EPB41L1: variants seen among roughly 807,000 people sequenced by gnomAD.
The protein encoded by EPB41L1 is erythrocyte membrane protein band 4.1 like 1, also known as band 4.1-like protein 1.
EPB41L1 carries 29 observed loss-of-function variants against 97.8 expected under a neutral mutation model. That is an observed-to-expected ratio of 0.30 (90% CI 0.22 to 0.40). The LOEUF (loss-of-function observed/expected upper bound fraction) is 0.40, where lower values mean the gene tolerates loss of function less well. EPB41L1 is among the 10% of genes least tolerant of loss of function. The probability of loss-of-function intolerance (pLI) is 1.00; values close to 1 mark genes in which losing one functional copy is unlikely to be tolerated. For synonymous variants in EPB41L1, 383 were observed against 459.2 expected (o/e 0.83, Z 2.12); for missense variants, 812 against 1,162.3 (o/e 0.70, Z 4.38).
chr20:36,128,679 G>A (rs921214211), intron 2 of EPB41L1, among the ~76,000 whole-genome samples: 2 of 152,230 alleles, frequency 1.3e-5, no homozygotes, highest in Non-Finnish European at 2.9e-5. Flanking sequence ...TTAGCATGGG[G>A]TGATGGGGTT....
intron 1 of EPB41L1, among the ~76,000 whole-genome samples, chr20:36,103,704 CTTTT>C (rs398038437): frequency 7.4e-6 from 1 of 135,742 alleles, no homozygotes. Flanking sequence ...CTTTTTCTTT[CTTTT>C]TTTTTTTTTT....
At chr20:36,194,459 C>A in intron 12 of EPB41L1, 99 bp downstream of exon 12, 1 of 1,448,760 alleles carries the variant, frequency 6.9e-7, no homozygotes, top group Non-Finnish European at 9.4e-7. Flanking sequence ...CAGCTGTGGC[C>A]AAGCACCCTT....
intron 2 of EPB41L1, among the ~76,000 whole-genome samples, chr20:36,124,092 C>CA (rs879331885): frequency 2.3e-4 from 34 of 150,392 alleles, no homozygotes; most frequent in Admixed American, 4.0e-4. Context: ...ACTAAAAATA[C>CA]AAAAAAAAAG....
At position 36,197,052 on chromosome 20, in the gene EPB41L1, C is replaced by T. The variant is rs558408483; in HGVS notation, c.1486-807C>T. 2.4e-4 allele frequency among the ~76,000 whole-genome samples: 36 copies of T among 152,210 alleles called. No individual in the cohort carries two copies. The Middle Eastern group carries it at 0.014, about 58-fold the overall frequency. ...AATTCTCCTAATCTTCCTGAACACTCCACAGCATTCTAGTTTCTCTATCTG... is the reference window on the plus strand; with the variant it reads ...AATTCTCCTAATCTTCCTGAACACTTCACAGCATTCTAGTTTCTCTATCTG... On this transcript the variant is annotated intron_variant, in intron 13 of 21. Coordinates refer to ENST00000338074, the MANE Select transcript of EPB41L1 (RefSeq NM_012156.2).
chr20:36,196,602 A>G (rs1012986326), intron 13 of EPB41L1, among the ~76,000 whole-genome samples: 13 of 152,234 alleles, frequency 8.5e-5, no homozygotes, highest in African/African-American at 3.1e-4. Context: ...GAGGTAGCTT[A>G]GGAGTCAGCC....
chr20:36,154,465 C>T, upstream of EPB41L1, among the ~76,000 whole-genome samples: 1 of 151,746 alleles, frequency 6.6e-6, no homozygotes, highest in African/African-American at 2.4e-5. The surrounding 1 kb of genome is among the most constrained non-coding windows in gnomAD (Gnocchi z 5.5). Flanking sequence ...GCCCGTGTGG[C>T]ACGGACCGGG....
At chr20:36,109,741 G>C (rs561698574) in intron 1 of EPB41L1, 1 of 152,256 alleles carries the variant, frequency 6.6e-6, no homozygotes, top group South Asian at 2.1e-4. Flanking sequence ...AGATGAGGAA[G>C]CTGAGGCCTG....
At position 36,093,939 on chromosome 20, in the gene EPB41L1, C is replaced by T. The variant is rs371994596; in HGVS notation, c.-65+2327C>T. Reference sequence around the variant, plus strand: ...AGGTAGGTGGGTAGAAGCTCAGGTGCCCTGAAAAGGACTAGGAGGGAGAAC... The same window carrying T: ...AGGTAGGTGGGTAGAAGCTCAGGTGTCCTGAAAAGGACTAGGAGGGAGAAC... On this transcript the variant is annotated intron_variant, in intron 1 of 19. Coordinates refer to the EPB41L1 transcript ENST00000202028. This position sits in a 1 kb window ranked among gnomAD's most constrained non-coding sequence, Gnocchi z 5.4. 6.6e-6 allele frequency among the ~76,000 whole-genome samples: 1 copy of T among 152,210 alleles called. No homozygotes were observed. Among genetic ancestry groups the T allele is most frequent in the East Asian group, 1.9e-4 (1 of 5,158 alleles).
chr20:36,190,298 A>G lies in EPB41L1; in HGVS notation c.1048A>G (p.Ile350Val), dbSNP rs1331082339. The G allele has an allele frequency of 1.9e-6, 3 of 1,614,214 alleles. No homozygotes were observed. Among genetic ancestry groups the G allele is most frequent in the Non-Finnish European group, 2.5e-6 (3 of 1,180,034 alleles). ...CCAGTATGAGCAATTTGAGAGCACA[A>G]TTGGCTTTAAGCTCCCAAACCACCG... ...PGEYEQFESTIGFKLPNHRSA... is the reference protein window; with the variant it reads ...PGEYEQFESTVGFKLPNHRSA... Residue 350 changes from isoleucine to valine, a missense_variant, in exon 10 of 22, where the codon ATT becomes GTT. Ile to Val is a conservative substitution (Grantham distance 29, BLOSUM62 3). This residue lies in a region of EPB41L1 where 230 missense variants were observed against 445.2 expected (regional missense o/e 0.52). Transcript: ENST00000338074. The surrounding 1 kb of genome is among the most constrained non-coding windows in gnomAD (Gnocchi z 5.8).
intron 2 of EPB41L1, among the ~76,000 whole-genome samples, chr20:36,130,264 T>TTTTTTA (rs2059147290): frequency 4.0e-5 from 6 of 151,728 alleles, no homozygotes; most frequent in African/African-American, 1.2e-4. Flanking sequence ...TTGTTTTTTT[T>TTTTTTA]AATTAAAACC....
chr20:36,185,939 G>A (rs762526449), intron 7 of EPB41L1, among the ~76,000 whole-genome samples: 15 of 152,244 alleles, frequency 9.9e-5, no homozygotes, highest in Admixed American at 2.6e-4. Context: ...GCAGGGGAAA[G>A]TACCTCGTTC....
intron 6 of EPB41L1, 109 bp from the exon 7 acceptor site, chr20:36,185,008 A>T: frequency 8.9e-7 from 1 of 1,119,066 alleles, no homozygotes; most frequent in Admixed American, 1.8e-5. Context: ...GTCTACAAAC[A>T]CACTTTTCTG....
rs1212575256 is a variant in EPB41L1 at position 36,207,985 on chromosome 20, T to C, written c.1669-1503T>C. Among the ~76,000 whole-genome samples the C allele has an allele frequency of 6.6e-6, 1 of 152,208 alleles. No homozygotes were observed. The highest frequency in any genetic ancestry group is 2.4e-5 in the African/African-American group (1 of 41,456). ...ATGATGGGCTTCTCTGCTTGGCCCA[T>C]GTTAGCTTGGCCACAAAGACCCTCA... On this transcript the variant is annotated intron_variant, in intron 14 of 21. Coordinates refer to ENST00000338074, the MANE Select transcript of EPB41L1 (RefSeq NM_012156.2). This position sits in a 1 kb window ranked among gnomAD's most constrained non-coding sequence, Gnocchi z 4.9.
intron 17 of EPB41L1, among the ~76,000 whole-genome samples, chr20:36,218,624 T>G (rs570949488): frequency 6.6e-6 from 1 of 152,354 alleles, no homozygotes; most frequent in East Asian, 1.9e-4. Context: ...TCTTGATCAC[T>G]ACAGTGTTCC....
chr20:36,147,645 C>T (rs139997710), intron 2 of EPB41L1, among the ~76,000 whole-genome samples: 1 of 152,224 alleles, frequency 6.6e-6, no homozygotes, highest in Admixed American at 6.5e-5. Context: ...ACAGTGCCAG[C>T]ACATAAGTGG....
intron 2 of EPB41L1, among the ~76,000 whole-genome samples, chr20:36,128,814 T>G (rs1178301710): frequency 1.3e-5 from 1 of 78,226 alleles, no homozygotes; most frequent in East Asian, 3.9e-4. Flanking sequence ...TCTCTCCACC[T>G]CTGGGGTCTA....
At position 36,209,371 on chromosome 20, in the gene EPB41L1, T is replaced by C. The variant is rs1420755404; in HGVS notation, c.1669-117T>C. ...TGTTTTTCATTTCCTGGCCTGCTCT[T>C]CCATTCAGGATGTCGACACAGCCCC... On this transcript the variant is annotated intron_variant, in intron 14 of 21. Coordinates refer to ENST00000338074, the MANE Select transcript of EPB41L1 (RefSeq NM_012156.2). This position sits in a 1 kb window ranked among gnomAD's most constrained non-coding sequence, Gnocchi z 4.2. 8.4e-7 allele frequency: 1 copy of C among 1,194,194 alleles called. No homozygotes were observed. Among genetic ancestry groups the C allele is most frequent in the Non-Finnish European group, 1.2e-6 (1 of 858,192 alleles). 74.0% of individuals were successfully genotyped at this position (1,194,194 alleles called of 1,614,324 possible). A position where few individuals can be genotyped will look rare whatever the true frequency, so the allele number is the denominator to read the frequency against.
chr20:36,155,191 G>T (rs1291051927), intron 1 of EPB41L1: 2 of 456,528 alleles, frequency 4.4e-6, no homozygotes, highest in Admixed American at 4.7e-5. Flanking sequence ...GTCTCTTTTC[G>T]GAGAGCACTC....
intron 2 of EPB41L1, among the ~76,000 whole-genome samples, chr20:36,140,998 G>A (rs994643594): frequency 3.9e-5 from 6 of 152,230 alleles, no homozygotes; most frequent in African/African-American, 1.4e-4. Flanking sequence ...TGTAGGGCAT[G>A]TGGCCCCAGA....
Sources: gnomAD v4.1 joint callset for allele counts (sites outside exome capture counted in the v4.1 genomes callset) on GRCh38, gnomAD v4.1.1 for gene constraint, gnomAD v4.1.1 regional missense constraint, Gnocchi (gnomAD v3.1) non-coding constraint, MANE v1.5 for transcripts, NCBI Gene and HGNC (gene_info 2026-07-23, HGNC 2026-07-21) for gene names.